The following IQSEC1 variants were observed in gnomAD, a reference collection of about 807,000 sequenced individuals.
IQSEC1 encodes IQ motif and SEC7 domain-containing protein 1.
A neutral mutation model predicts 91.0 loss-of-function variants in IQSEC1; 31 were observed. That is an observed-to-expected ratio of 0.34 (90% CI 0.26 to 0.46). IQSEC1 has a LOEUF of 0.46. Ranked by LOEUF, IQSEC1 falls within the 20% of genes least tolerant of loss-of-function variation. The pLI is 1.00. For synonymous variants in IQSEC1, 699 were observed against 662.6 expected (o/e 1.05, Z -0.84); for missense variants, 1,388 against 1,575.6 (o/e 0.88, Z 2.02).
At chr3:12,916,811 C>A (rs192201472) in intron 6 of IQSEC1, among the ~76,000 whole-genome samples, 1 of 152,208 alleles carries the variant, frequency 6.6e-6, no homozygotes, top group Non-Finnish European at 1.5e-5. Flanking sequence ...CTACTTACTA[C>A]GCACCTGCCA....
rs1553569713 is a variant in IQSEC1, at chr3:13,154,460, T to TATATACACACAC, written c.302+9643_302+9644insGTGTGTGTATAT. On this transcript the variant is annotated intron_variant, in intron 2 of 15. Transcript: ENST00000648114. ...ATGCATATATATATATATATATATA[T>TATATACACACAC]ATATATATATATATATGCAAAAACT... 4.7e-4 allele frequency among the ~76,000 whole-genome samples: 28 copies of TATATACACACAC among 59,424 alleles called. 10 individuals carry two copies. In the East Asian group the frequency reaches 0.025, roughly 53 times the overall value. The allele number at this position is 59,424 out of a possible 152,430, so 39.0% of individuals were successfully genotyped here. A position where few individuals can be genotyped will look rare whatever the true frequency, so the allele number is the denominator to read the frequency against.
chr3:13,234,777 T>A (rs535445922), intron 1 of IQSEC1, among the ~76,000 whole-genome samples: 1 of 152,216 alleles, frequency 6.6e-6, no homozygotes, highest in East Asian at 1.9e-4. Flanking sequence ...AATATTAGTG[T>A]TCCTTAATTC....
At chr3:13,171,805 T>G (rs1693620449) in intron 1 of IQSEC1, among the ~76,000 whole-genome samples, 1 of 152,152 alleles carries the variant, frequency 6.6e-6, no homozygotes, top group Admixed American at 6.5e-5. Flanking sequence ...CCCAGCCTGG[T>G]CTGACTTCAG....
At chr3:13,281,902 C>T (rs1254995956) in intron 1 of IQSEC1, among the ~76,000 whole-genome samples, 1 of 152,184 alleles carries the variant, frequency 6.6e-6, no homozygotes, top group African/African-American at 2.4e-5. Flanking sequence ...CCAGAGACAC[C>T]GAAGCCTCCC....
intron 1 of IQSEC1, among the ~76,000 whole-genome samples, chr3:13,006,440 A>G (rs1267582205): frequency 1.3e-5 from 2 of 152,086 alleles, no homozygotes; most frequent in East Asian, 1.9e-4. Context: ...AGGCTGGTCT[A>G]CCATTGTGGT....
chr3:13,127,330 C>A (rs1348114329), intron 2 of IQSEC1, among the ~76,000 whole-genome samples: 5 of 152,106 alleles, frequency 3.3e-5, no homozygotes, highest in Non-Finnish European at 5.9e-5. Context: ...AGGAGAATCG[C>A]TTGAACCCTG....
At position 12,936,074 on chromosome 3, in the gene IQSEC1, G is replaced by A. The variant is rs143222651; in HGVS notation, c.942C>T (p.Thr314=). 2,944 of 1,608,550 alleles carry A rather than the reference G, an allele frequency of 1.8e-3. 4 individuals are homozygous for A. The highest frequency in any genetic ancestry group is 2.3e-3 in the Non-Finnish European group (2,732 of 1,179,760). Residue 314 remains threonine (T), a synonymous_variant, in exon 3 of 14, where the codon ACC becomes ACT. Transcript: ENST00000613206. ...CAGCCCGTAGCCGCAGGTCCGACTCGGTGCTGGACGGCCGGTCCCCTGCCT... is the reference window on the plus strand; with the variant it reads ...CAGCCCGTAGCCGCAGGTCCGACTCAGTGCTGGACGGCCGGTCCCCTGCCT... The part of the protein sequence containing the change: ...LSQAGDRPSS[T]ESDLRLRAGG...
chr3:13,277,105 TTAAAAAAAAAA>T (rs1235880714), intron 1 of IQSEC1, among the ~76,000 whole-genome samples: 1,152 of 42,208 alleles, frequency 0.027, 6 homozygotes, highest in Admixed American at 0.055. Flanking sequence ...TTGCTCCTCC[TTAAAAAAAAAA>T]AAAAAAAAAA....
intron 1 of IQSEC1, among the ~76,000 whole-genome samples, chr3:13,244,430 T>C (rs1695074205): frequency 6.6e-6 from 1 of 152,210 alleles, no homozygotes; most frequent in Admixed American, 6.5e-5. Context: ...AATATCCCAG[T>C]GATTGTCGGT....
rs1475515567 is a variant in IQSEC1, at chr3:12,994,618, G to C, written c.24-52753C>G. The stretch of plus-strand genomic sequence containing the variant: ...GGAAAGCTGCAGCCCCGGCCGAAAC[G>C]CCCCACCCCCGCCGCCGTCCCCAGT... On this transcript the variant is annotated intron_variant, in intron 1 of 13. Coordinates refer to ENST00000613206, the MANE Select transcript of IQSEC1 (RefSeq NM_001134382.3). The surrounding 1 kb of genome is among the most constrained non-coding windows in gnomAD (Gnocchi z 4.5). 6.6e-6 allele frequency among the ~76,000 whole-genome samples: 1 copy of C among 152,106 alleles called. No individual in the cohort carries two copies. The highest frequency in any genetic ancestry group is 1.5e-5 in the Non-Finnish European group (1 of 68,012).
chr3:12,901,862 G>A (rs1351951872), intron 13 of IQSEC1, among the ~76,000 whole-genome samples: 1 of 152,200 alleles, frequency 6.6e-6, no homozygotes, highest in African/African-American at 2.4e-5. Flanking sequence ...GAACCCCTAG[G>A]TTGGGGTGTC....
intron 2 of IQSEC1, among the ~76,000 whole-genome samples, chr3:13,151,966 C>CA (rs1374454591): frequency 6.6e-6 from 1 of 151,724 alleles, no homozygotes; most frequent in Non-Finnish European, 1.5e-5. Flanking sequence ...AACTCCATCT[C>CA]AAAAAAACAA....
At chr3:13,194,128 T>C (rs1694083863) in intron 1 of IQSEC1, among the ~76,000 whole-genome samples, 1 of 152,152 alleles carries the variant, frequency 6.6e-6, no homozygotes, top group Non-Finnish European at 1.5e-5. Flanking sequence ...CACGAGCTCA[T>C]TTCCCCTTAA....
At chr3:13,240,381 A>G (rs901635107) in intron 1 of IQSEC1, among the ~76,000 whole-genome samples, 4 of 152,170 alleles carry the variant, frequency 2.6e-5, no homozygotes, top group African/African-American at 9.7e-5. Context: ...TAATAAATAA[A>G]TGAATAAATA....
chr3:13,242,634 G>A (rs146610632), intron 1 of IQSEC1, among the ~76,000 whole-genome samples: 9 of 152,198 alleles, frequency 5.9e-5, no homozygotes, highest in Non-Finnish European at 1.2e-4. Flanking sequence ...TGCCCTGGGT[G>A]GGCGACATGG....
chr3:13,138,351 T>G (rs76813801), intron 2 of IQSEC1, among the ~76,000 whole-genome samples: 1,754 of 151,952 alleles, frequency 0.012, 31 homozygotes, highest in African/African-American at 0.041. Context: ...GCCCTAGGTG[T>G]CTCGGTGCCT....
chr3:13,150,250 A>G (rs1056178472), intron 2 of IQSEC1, among the ~76,000 whole-genome samples: 8 of 152,232 alleles, frequency 5.3e-5, no homozygotes, highest in African/African-American at 1.9e-4. Context: ...GCTGGAAGGC[A>G]TCTAAGAAAT....
chr3:13,218,791 A>C (rs1254409001), intron 1 of IQSEC1, among the ~76,000 whole-genome samples: 1 of 152,148 alleles, frequency 6.6e-6, no homozygotes, highest in Non-Finnish European at 1.5e-5. Context: ...GGGTGGCCTG[A>C]ACAGATCCAG....
intron 2 of IQSEC1, among the ~76,000 whole-genome samples, chr3:13,109,235 ATG>A (rs1706201457): frequency 1.3e-5 from 2 of 152,146 alleles, no homozygotes; most frequent in African/African-American, 4.8e-5. Flanking sequence ...TGGGGAAGCT[ATG>A]AGCAGCCGAG....
Sources: allele counts gnomAD v4.1 joint callset (sites outside exome capture counted in the v4.1 genomes callset), GRCh38; gene constraint gnomAD v4.1.1; non-coding constraint Gnocchi (gnomAD v3.1); transcripts MANE v1.5; gene names NCBI Gene and HGNC (gene_info 2026-07-23, HGNC 2026-07-21).